Variants in CDC16 observed in about 807,000 individuals in gnomAD.
The protein encoded by CDC16 is cell division cycle protein 16 homolog.
A neutral mutation model predicts 87.0 loss-of-function variants in CDC16; 34 were observed. The ratio of observed to expected loss-of-function variants is 0.39; its 90% CI spans 0.30 to 0.52. The LOEUF (loss-of-function observed/expected upper bound fraction) is 0.52. Ranked by LOEUF, CDC16 falls within the 20% of genes least tolerant of loss-of-function variation. The probability of loss-of-function intolerance (pLI) is 0.74; values close to 1 mark genes in which losing one functional copy is unlikely to be tolerated. For synonymous variants in CDC16, 263 were observed against 260.6 expected (o/e 1.01, Z -0.09); for missense variants, 653 against 751.9 (o/e 0.87, Z 1.54).
At chr13:114,238,446 G>T (rs1431087979) in intron 3 of CDC16, among the ~76,000 whole-genome samples, 2 of 146,386 alleles carry the variant, frequency 1.4e-5, no homozygotes, top group Non-Finnish European at 3.0e-5. Context: ...GCCTGAAGTG[G>T]AGCTGCTGCG....
Position 114,257,177 on chromosome 13 carries a change from G to T in CDC16, c.1197G>T (p.Pro399=), listed in dbSNP as rs757808625. 34 of 1,613,386 alleles carry T rather than the reference G, an allele frequency of 2.1e-5. No individual in the cohort carries two copies. Among genetic ancestry groups the T allele is most frequent in the Non-Finnish European group, 2.9e-5 (34 of 1,179,520 alleles). The stretch of plus-strand genomic sequence containing the variant: ...TCAGCCAAGCTCTGAGCATTGCACC[G>T]GAAGACCCTTTTGTTATGCATGAGG... ...RFFSQALSIA[P]EDPFVMHEVG... The change falls in exon 13 of 18, where the codon CCG becomes CCT. Residue 399 remains proline, a synonymous_variant. Transcript: ENST00000356221.
Position 114,246,923 on chromosome 13 carries a change from CT to C in CDC16, c.898-3del. 1 of 1,603,096 alleles carries C rather than the reference CT, an allele frequency of 6.2e-7. No individual in the cohort carries two copies. Among genetic ancestry groups the C allele is most frequent in the East Asian group, 2.2e-5 (1 of 44,792 alleles). On this transcript the variant is annotated splice_polypyrimidine_tract_variant and splice_region_variant and intron_variant, in intron 10 of 17. Transcript: ENST00000356221. ...ATCTTTGTTTATGGTAAATTTTGAA[CT>C]TTTTAGGTGTCTTGGTTTGCAGTGG...
At position 114,242,001 on chromosome 13, in the gene CDC16, A is replaced by G. The variant is rs2081575256; in HGVS notation, c.382-120A>G. On this transcript the variant is annotated intron_variant, in intron 5 of 17. Transcript: ENST00000356221. ...TAGGAGTTCAAGGCTGCAGTGAGCTATGATCGCACCACTGAACTCCAGCCT... is the reference window on the plus strand; with the variant it reads ...TAGGAGTTCAAGGCTGCAGTGAGCTGTGATCGCACCACTGAACTCCAGCCT... The G allele has an allele frequency of 1.5e-5, 17 of 1,148,974 alleles. 1 individual carries two copies. The South Asian group carries it at 2.5e-4, about 17-fold the overall frequency. The allele number at this position is 1,148,974 out of a possible 1,614,324, so 71.2% of individuals were successfully genotyped here. A position where few individuals can be genotyped will look rare whatever the true frequency, so the allele number is the denominator to read the frequency against.
chr13:114,251,166 C>CT (rs1555357917), intron 12 of CDC16, among the ~76,000 whole-genome samples: 1 of 152,108 alleles, frequency 6.6e-6, no homozygotes, highest in Non-Finnish European at 1.5e-5. Context: ...TCGGTTACAA[C>CT]TTACAGGGTT....
intron 14 of CDC16, among the ~76,000 whole-genome samples, chr13:114,260,712 G>T (rs190997877): frequency 3.7e-4 from 57 of 152,268 alleles, no homozygotes; most frequent in Admixed American, 5.9e-4. Context: ...CGAAGAGGGG[G>T]AAAATATTGA....
intron 9 of CDC16, among the ~76,000 whole-genome samples, chr13:114,245,512 C>T (rs545559930): frequency 4.1e-4 from 63 of 152,276 alleles, no homozygotes; most frequent in South Asian, 1.0e-3. Context: ...CCAGCAACAT[C>T]GCATTTGTGG....
In CDC16 at chr13:114,257,082, C is replaced by G. The variant is rs781029119; in HGVS notation, c.1102C>G (p.His368Asp). Residue 368 changes from histidine (H) to aspartate (D), a missense_variant, in exon 13 of 18, where the codon CAT becomes GAT. His to Asp is a moderately conservative substitution (Grantham distance 81). Transcript: ENST00000356221. ...FTAAQLMKGC[H>D]LPMLYIGLEY... ...TGAAATTTTCCAATTTTTTAGGTGT[C>G]ATTTGCCTATGCTGTATATTGGATT... The G allele has an allele frequency of 1.3e-6, 2 of 1,532,664 alleles. No individual in the cohort carries two copies. The highest frequency in any genetic ancestry group is 1.8e-6 in the Non-Finnish European group (2 of 1,129,932). The allele number at this position is 1,532,664 out of a possible 1,614,324, so 94.9% of individuals were successfully genotyped here.
chr13:114,264,271 G>A (rs1173666707), intron 16 of CDC16: 8 of 152,164 alleles, frequency 5.3e-5, no homozygotes, highest in Non-Finnish European at 1.2e-4. Flanking sequence ...GGCTCAGCTG[G>A]GCGCGGTGGC....
intron 11 of CDC16, among the ~76,000 whole-genome samples, chr13:114,250,331 G>A (rs1235362420): frequency 6.6e-6 from 1 of 151,960 alleles, no homozygotes; most frequent in Non-Finnish European, 1.5e-5. Context: ...CATCTCTACT[G>A]TGAATACAAA....
intron 9 of CDC16, 99 bp from the exon 10 acceptor site, chr13:114,245,901 A>G: frequency 2.9e-6 from 2 of 686,136 alleles, no homozygotes; most frequent in East Asian, 5.7e-5. Context: ...TCATTGCTGT[A>G]AGAGCAGAAT....
chr13:114,260,439 C>T (rs1301404627), intron 14 of CDC16, among the ~76,000 whole-genome samples: 1 of 152,216 alleles, frequency 6.6e-6, no homozygotes, highest in Non-Finnish European at 1.5e-5. Flanking sequence ...ACGGGCTCAG[C>T]AGCATCAGCA....
Position 114,243,350 on chromosome 13 carries a change from TA to T in CDC16, c.633+4del. The T allele has an allele frequency of 7.0e-7, 1 of 1,437,308 alleles. No individual in the cohort carries two copies. Among genetic ancestry groups the T allele is most frequent in the Non-Finnish European group, 9.8e-7 (1 of 1,019,702 alleles). The allele number at this position is 1,437,308 out of a possible 1,614,324, so 89.0% of individuals were successfully genotyped here. A position where few individuals can be genotyped will look rare whatever the true frequency, so the allele number is the denominator to read the frequency against. On this transcript the variant is annotated splice_donor_region_variant and intron_variant, in intron 7 of 17. Coordinates refer to ENST00000356221, the MANE Select transcript of CDC16 (RefSeq NM_001078645.3). ...CTATTTGAGAACAAATTGAAAAAAG[TA>T]AGTAAAACCAAAGAGTTAGCACTTG...
intron 9 of CDC16, chr13:114,245,750 G>C: frequency 2.6e-6 from 1 of 382,134 alleles, no homozygotes. Flanking sequence ...GAGAGGTGAG[G>C]TGCTTTGCTG....
intron 12 of CDC16, among the ~76,000 whole-genome samples, chr13:114,256,469 A>C (rs578215781): frequency 7.2e-5 from 11 of 152,346 alleles, no homozygotes; most frequent in African/African-American, 2.6e-4. Context: ...GTCTTATTAC[A>C]CTTGCTTTAA....
intron 14 of CDC16, among the ~76,000 whole-genome samples, chr13:114,259,968 G>T (rs913510011): frequency 6.6e-6 from 1 of 152,172 alleles, no homozygotes; most frequent in African/African-American, 2.4e-5. Context: ...AATTATCAAG[G>T]ATGTGTATAT....
Position 114,272,225 on chromosome 13 carries a change from G to A in CDC16, c.1645G>A (p.Val549Met), listed in dbSNP as rs1594717613. 6.3e-7 allele frequency: 1 copy of A among 1,592,800 alleles called. No homozygotes were observed. The highest frequency in any genetic ancestry group is 1.7e-4 in the Middle Eastern group (1 of 6,016). ...KDKLKCYDFDVHTMKTLKNII... is the reference protein window; with the variant it reads ...KDKLKCYDFDMHTMKTLKNII... ...CAAATTAAAATGTTATGACTTTGAT[G>A]TGCATACAATGAAGACACTAAAAAA... The change falls in exon 18 of 18, where the codon GTG becomes ATG. Residue 549 changes from valine to methionine, a missense_variant. Physicochemically the swap from Val to Met is conservative, Grantham distance 21. Coordinates refer to ENST00000356221, the MANE Select transcript of CDC16 (RefSeq NM_001078645.3).
At chr13:114,258,518 GTTAA>G (rs1371422900) in intron 13 of CDC16, among the ~76,000 whole-genome samples, 3 of 152,144 alleles carry the variant, frequency 2.0e-5, no homozygotes, top group Non-Finnish European at 2.9e-5. Flanking sequence ...GCTATCTAGT[GTTAA>G]TTGTGATACA....
intron 11 of CDC16, among the ~76,000 whole-genome samples, chr13:114,249,755 A>G (rs1333012092): frequency 6.6e-6 from 1 of 152,208 alleles, no homozygotes; most frequent in Non-Finnish European, 1.5e-5. Context: ...GCAAGTTATT[A>G]GGATGAGAGG....
At chr13:114,262,850 G>A in intron 15 of CDC16, 29 bp from the exon 16 acceptor site, 12 of 1,613,198 alleles carry the variant, frequency 7.4e-6, no homozygotes, top group Non-Finnish European at 1.0e-5. Context: ...TGCTTTTACT[G>A]TAGCCAATAA....
Sources: allele counts gnomAD v4.1 joint callset (sites outside exome capture counted in the v4.1 genomes callset), GRCh38; gene constraint gnomAD v4.1.1; transcripts MANE v1.5; gene names NCBI Gene and HGNC (gene_info 2026-07-23, HGNC 2026-07-21).